AIRE: variants seen among roughly 807,000 people sequenced by gnomAD.
AIRE encodes autoimmune regulator.
In AIRE, 52 loss-of-function variants were observed where a neutral mutation model predicts 62.1. The ratio of observed to expected loss-of-function variants is 0.84; its 90% confidence interval spans 0.67 to 1.06. AIRE has a LOEUF of 1.06. Ranked by LOEUF, AIRE falls within the 50% of genes least tolerant of loss-of-function variation. AIRE has a pLI of 0.00. For missense variants in AIRE, 774 were observed against 755.8 expected, an observed-to-expected ratio of 1.02 and a Z score of -0.28; for synonymous variants, 342 against 321.6, an observed-to-expected ratio of 1.06 and a Z score of -0.68.
At chr21:44,292,188 G>A in intron 8 of AIRE, 114 bp from the exon 9 acceptor site, 1 of 846,174 alleles carries the variant, frequency 1.2e-6, no homozygotes, top group Non-Finnish European at 2.0e-6. Flanking sequence ...CTGTGCCTCG[G>A]TTCCCCCTCT....
In AIRE at chr21:44,287,106, C is replaced by T; in HGVS notation, c.436C>T (p.Leu146=). The T allele has an allele frequency of 6.2e-7, 1 of 1,612,620 alleles. No homozygotes were observed. Among genetic ancestry groups the T allele is most frequent in the South Asian group, 1.1e-5 (1 of 91,084 alleles). Residue 146 remains leucine, a synonymous_variant, in exon 3 of 14, where the codon CTG becomes TTG. Transcript: ENST00000291582. This position sits in a 1 kb window ranked among gnomAD's most constrained non-coding sequence, Gnocchi z 4.3. ...EEARAAAPAA[L]TPRGTASPGS... Reference sequence around the variant, plus strand: ...GGCTCGAGCTGCCGCGCCAGCAGCCCTGACTCCAAGGGGCACCGCCAGCCC... The same window carrying T: ...GGCTCGAGCTGCCGCGCCAGCAGCCTTGACTCCAAGGGGCACCGCCAGCCC...
chr21:44,288,649 A>G (rs2040505368), intron 5 of AIRE, 191 bp downstream of exon 5: 5 of 580,622 alleles, frequency 8.6e-6, no homozygotes, highest in Non-Finnish European at 1.2e-5. Context: ...CTGTCGGGGG[A>G]CCTTCTGCAA....
chr21:44,291,811 C>T (rs572955978), intron 8 of AIRE, among the ~76,000 whole-genome samples: 2 of 152,188 alleles, frequency 1.3e-5, no homozygotes, highest in South Asian at 2.1e-4. Context: ...TCTGCCCCAG[C>T]CCCTGAGTGG....
In AIRE at chr21:44,287,446, C is replaced by A. The variant is rs56171459; in HGVS notation, c.464-71C>A. 4.5e-6 allele frequency: 5 copies of A among 1,120,000 alleles called. No homozygotes were observed. Among genetic ancestry groups the A allele is most frequent in the South Asian group, 2.7e-5 (2 of 74,768 alleles). The allele number at this position is 1,120,000 out of a possible 1,614,324, so 69.4% of individuals were successfully genotyped here. A position where few individuals can be genotyped will look rare whatever the true frequency, so the allele number is the denominator to read the frequency against. On this transcript the variant is annotated intron_variant, in intron 3 of 13. Transcript: ENST00000291582. This position sits in a 1 kb window ranked among gnomAD's most constrained non-coding sequence, Gnocchi z 4.3. ...CCGCCCCCTCCACGCCCTCCCACCGCGGGCCCCTGCCCACCGGCACTCACC... is the reference window on the plus strand; with the variant it reads ...CCGCCCCCTCCACGCCCTCCCACCGAGGGCCCCTGCCCACCGGCACTCACC...
At chr21:44,296,107 T>C (rs2040604195) in intron 12 of AIRE, among the ~76,000 whole-genome samples, 1 of 152,178 alleles carries the variant, frequency 6.6e-6, no homozygotes, top group Admixed American at 6.5e-5. Context: ...GACTCCTTGC[T>C]GGTTCCCTGA....
chr21:44,290,049 G>C lies in AIRE; in HGVS notation c.860G>C (p.Ser287Thr). 2 of 1,612,042 alleles carry C rather than the reference G, an allele frequency of 1.2e-6. No homozygotes were observed. The highest frequency in any genetic ancestry group is 1.7e-6 in the Non-Finnish European group (2 of 1,179,680). ...GTTCCCGCCCCTCTGGCCCTCCCCA[G>C]TGACCCCCAGCTCCACCAGGTAATG... ...GSVPAPLALP[S>T]DPQLHQKNED... The change falls in exon 7 of 14, where the codon AGT becomes ACT. Residue 287 changes from serine to threonine, a missense_variant. Ser to Thr is a moderately conservative substitution (Grantham distance 58). Around this residue, in one of 3 missense-constraint regions of AIRE, gnomAD observed 385 missense variants for 396.0 expected, o/e 0.97. Transcript: ENST00000291582.
rs1006583932 is a variant in AIRE at position 44,287,419 on chromosome 21, G to A, written c.464-98G>A. 1.3e-5 allele frequency: 11 copies of A among 861,874 alleles called. No individual in the cohort carries two copies. The highest frequency in any genetic ancestry group is 2.1e-5 in the Non-Finnish European group (11 of 527,192). 53.4% of individuals were successfully genotyped at this position (861,874 alleles called of 1,614,324 possible). A position where few individuals can be genotyped will look rare whatever the true frequency, so the allele number is the denominator to read the frequency against. ...CCGGCAAAGGGACTACCCAGCACTG[G>A]ACCGCCCCCTCCACGCCCTCCCACC... On this transcript the variant is annotated intron_variant, in intron 3 of 13. Transcript: ENST00000291582. This position sits in a 1 kb window ranked among gnomAD's most constrained non-coding sequence, Gnocchi z 4.3.
chr21:44,285,904 C>A lies in AIRE; in HGVS notation c.-103C>A. On this transcript the variant is annotated 5_prime_UTR_variant, in exon 1 of 14. Transcript: ENST00000291582. ...GAGACGGGCGGGCGCACAGCCGGCG[C>A]GGAGGCCCCACAGCCCCGCCGGGAC... The A allele has an allele frequency of 8.5e-7, 1 of 1,182,242 alleles. No homozygotes were observed. Among genetic ancestry groups the A allele is most frequent in the South Asian group, 1.6e-5 (1 of 62,252 alleles). 73.2% of individuals were successfully genotyped at this position (1,182,242 alleles called of 1,614,324 possible). A position where few individuals can be genotyped will look rare whatever the true frequency, so the allele number is the denominator to read the frequency against.
rs543891914 is a variant in AIRE, at chr21:44,293,104, G to A, written c.1207G>A (p.Ala403Thr). 239 of 1,608,004 alleles carry A rather than the reference G, an allele frequency of 1.5e-4. 1 individual carries two copies. In the South Asian group the frequency reaches 2.6e-3, roughly 17 times the overall value. ...VYKHLPAPPSAAPLPGLDSSA... is the reference protein window; with the variant it reads ...VYKHLPAPPSTAPLPGLDSSA... ...CAAGCACCTGCCGGCTCCGCCTTCT[G>A]CAGCCCCGCTGCCAGGGCTGGACTC... The change falls in exon 10 of 14, where the codon GCA (alanine) becomes ACA (threonine). Residue 403 changes from alanine (A) to threonine (T), a missense_variant. Ala to Thr is a moderately conservative substitution (Grantham distance 58). This residue lies in a region of AIRE where 354 missense variants were observed against 296.1 expected (regional missense o/e 1.20). Transcript: ENST00000291582.
Position 44,298,063 on chromosome 21 carries a change from T to C in AIRE, c.*336T>C. The C allele has an allele frequency of 2.7e-6, 1 of 365,106 alleles. No homozygotes were observed. The highest frequency in any genetic ancestry group is 5.3e-6 in the Non-Finnish European group (1 of 189,758). 22.6% of individuals were successfully genotyped at this position (365,106 alleles called of 1,614,324 possible). ...ATGAGAATCACTTGAACTCGGGAGG[T>C]GGAGGTTGCAGTGAGCTGAGATTGC... On this transcript the variant is annotated 3_prime_UTR_variant, in exon 14 of 14. Transcript: ENST00000291582.
Position 44,293,868 on chromosome 21 carries a change from T to A in AIRE, c.1358T>A (p.Phe453Tyr). 6.3e-7 allele frequency: 1 copy of A among 1,596,676 alleles called. No individual in the cohort carries two copies. The highest frequency in any genetic ancestry group is 1.3e-5 in the African/African-American group (1 of 74,892). Residue 453 changes from phenylalanine to tyrosine, a missense_variant, in exon 11 of 14, where the codon TTC becomes TAC. By Grantham distance (22) the Phe-to-Tyr change is conservative (BLOSUM62 3). Around this residue, in one of 3 missense-constraint regions of AIRE, gnomAD observed 354 missense variants for 296.1 expected, o/e 1.20. Coordinates refer to ENST00000291582, the MANE Select transcript of AIRE (RefSeq NM_000383.4). Reference sequence around the variant, plus strand: ...CGGTGTACTCACTGCGCCGCTGCCTTCCACTGGCGCTGCCACTTCCCAGCC... The same window carrying A: ...CGGTGTACTCACTGCGCCGCTGCCTACCACTGGCGCTGCCACTTCCCAGCC... ...VLRCTHCAAA[F>Y]HWRCHFPAGT...
At position 44,286,011 on chromosome 21, in the gene AIRE, C is replaced by A; in HGVS notation, c.5C>A (p.Ala2Glu). M[A>E]TDAALRRLLR... ...CCGGGTCCCCGCGCCCACCCCATGG[C>A]GACGGACGCGGCGCTACGCCGGCTT... Residue 2 changes from alanine to glutamate, a missense_variant, in exon 1 of 14, where the codon GCG becomes GAG. Ala to Glu is a moderately radical substitution (Grantham distance 107). Around this residue, in one of 3 missense-constraint regions of AIRE, gnomAD observed 385 missense variants for 396.0 expected, o/e 0.97. Transcript: ENST00000291582. This position sits in a 1 kb window ranked among gnomAD's most constrained non-coding sequence, Gnocchi z 6.0. 1 of 1,531,156 alleles carries A rather than the reference C, an allele frequency of 6.5e-7. No individual in the cohort carries two copies. The highest frequency in any genetic ancestry group is 8.7e-7 in the Non-Finnish European group (1 of 1,143,976). The allele number at this position is 1,531,156 out of a possible 1,614,324, so 94.8% of individuals were successfully genotyped here.
chr21:44,294,352 G>A, intron 11 of AIRE, 49 bp from the exon 12 acceptor site: 1 of 1,318,722 alleles, frequency 7.6e-7, no homozygotes, highest in Non-Finnish European at 1.0e-6. Flanking sequence ...CCCGGAGGTG[G>A]CACTCCTGCT....
At chr21:44,291,314 T>C (rs1435844277) in intron 8 of AIRE, 104 bp downstream of exon 8, 12 of 1,507,358 alleles carry the variant, frequency 8.0e-6, no homozygotes, top group Middle Eastern at 4.7e-4. Flanking sequence ...CCATCCAAGA[T>C]GGAAAGGGGT....
At chr21:44,295,094 C>A (rs1211143053) in intron 12 of AIRE, among the ~76,000 whole-genome samples, 1 of 149,214 alleles carries the variant, frequency 6.7e-6, no homozygotes, top group Admixed American at 6.6e-5. Context: ...CTGCAGGAGC[C>A]TCCGGGGGGG....
At position 44,297,897 on chromosome 21, in the gene AIRE, C is replaced by G. The variant is rs553622381; in HGVS notation, c.*170C>G. On this transcript the variant is annotated 3_prime_UTR_variant, in exon 14 of 14. Transcript: ENST00000291582. This position sits in a 1 kb window ranked among gnomAD's most constrained non-coding sequence, Gnocchi z 4.8. ...TCTGGGGACACCAGCCATCATGTGCCTGGAAATTAAACCCTGCCCCACTTC... is the reference window on the plus strand; with the variant it reads ...TCTGGGGACACCAGCCATCATGTGCGTGGAAATTAAACCCTGCCCCACTTC... 1.5e-6 allele frequency: 1 copy of G among 686,494 alleles called. No homozygotes were observed. Among genetic ancestry groups the G allele is most frequent in the East Asian group, 2.8e-5 (1 of 36,258 alleles). The allele number at this position is 686,494 out of a possible 1,614,324, so 42.5% of individuals were successfully genotyped here.
chr21:44,288,740 T>G (rs552196958), intron 5 of AIRE: 76 of 420,684 alleles, frequency 1.8e-4, no homozygotes, highest in African/African-American at 1.5e-3. Flanking sequence ...TGGGCCCTCC[T>G]GGGCCATGGG....
Position 44,297,176 on chromosome 21 carries a change from T to C in AIRE, c.1567-480T>C, listed in dbSNP as rs2040618239. Among the ~76,000 whole-genome samples the C allele has an allele frequency of 6.6e-6, 1 of 152,082 alleles. No individual in the cohort carries two copies. Among genetic ancestry groups the C allele is most frequent in the Admixed American group, 6.5e-5 (1 of 15,284 alleles). The stretch of plus-strand genomic sequence containing the variant: ...TGCCCCTCTGGATGGGGTCCCCGGG[T>C]ATAGCTGGAGAAATGAGCGACGGGC... On this transcript the variant is annotated intron_variant, in intron 13 of 13. Coordinates refer to ENST00000291582, the MANE Select transcript of AIRE (RefSeq NM_000383.4). The surrounding 1 kb of genome is among the most constrained non-coding windows in gnomAD (Gnocchi z 4.8).
chr21:44,292,775 G>A (rs999343157), intron 9 of AIRE, among the ~76,000 whole-genome samples: 1 of 152,296 alleles, frequency 6.6e-6, no homozygotes, highest in Non-Finnish European at 1.5e-5. Context: ...CCCCCCGTGT[G>A]TAGACGGGGG....
Sources: gnomAD v4.1 joint callset for allele counts (sites outside exome capture counted in the v4.1 genomes callset) on GRCh38, gnomAD v4.1.1 for gene constraint, gnomAD v4.1.1 regional missense constraint, Gnocchi (gnomAD v3.1) non-coding constraint, MANE v1.5 for transcripts, NCBI Gene and HGNC (gene_info 2026-07-23, HGNC 2026-07-21) for gene names.